The following ATP6V1G3 variants were observed in gnomAD, a reference collection of about 807,000 sequenced individuals.
ATP6V1G3 encodes the protein ATPase H+ transporting V1 subunit G3.
A neutral mutation model predicts 9.3 loss-of-function variants in ATP6V1G3; 9 were observed. The observed-to-expected ratio is 0.97, with a 90% CI of 0.59 to 1.69. The LOEUF is 1.69. ATP6V1G3 is among the 40% of genes most tolerant of loss of function. ATP6V1G3 has a pLI of 0.00. For synonymous variants in ATP6V1G3, 43 were observed against 43.8 expected, an observed-to-expected ratio of 0.98 and a Z score of 0.07; for missense variants, 133 against 139.0, an observed-to-expected ratio of 0.96 and a Z score of 0.22.
At chr1:198,523,684 A>AT (rs1659541474) in intron 2 of ATP6V1G3, 120 bp from the exon 3 acceptor site, 5 of 900,498 alleles carry the variant, frequency 5.6e-6, no homozygotes, top group Middle Eastern at 3.5e-4. Context: ...CCTTTTCTAG[A>AT]TTTTTTCAGA....
chr1:198,529,535 C>T, intron 1 of ATP6V1G3, among the ~76,000 whole-genome samples: 1 of 152,076 alleles, frequency 6.6e-6, no homozygotes, highest in East Asian at 1.9e-4. Context: ...CAGATTTTAG[C>T]TGTCACTTAC....
At chr1:198,537,106 A>G (rs1048913903) in intron 1 of ATP6V1G3, among the ~76,000 whole-genome samples, 8 of 152,108 alleles carry the variant, frequency 5.3e-5, no homozygotes, top group Non-Finnish European at 8.8e-5. Flanking sequence ...CATCTCTCTC[A>G]GTAGCTGGTG....
In ATP6V1G3 at chr1:198,529,195, A is replaced by AATATATATAT. The variant is rs139314248; in HGVS notation, c.83-24_83-15dup. The AATATATATAT allele has an allele frequency of 2.1e-5, 10 of 466,314 alleles. No individual in the cohort carries two copies. The highest frequency in any genetic ancestry group is 2.0e-4 in the African/African-American group (9 of 44,816). 28.9% of individuals were successfully genotyped at this position (466,314 alleles called of 1,614,324 possible). A position where few individuals can be genotyped will look rare whatever the true frequency, so the allele number is the denominator to read the frequency against. On this transcript the variant is annotated splice_polypyrimidine_tract_variant and intron_variant, in intron 1 of 2. Coordinates refer to ENST00000367382, the MANE Select transcript of ATP6V1G3 (RefSeq NM_001376861.1). The stretch of plus-strand genomic sequence containing the variant: ...GCTTTCCTTTTCCTGAAAATTAACA[A>AATATATATAT]ATATATATATATATATATATAATTA...
chr1:198,523,326 C>T lies in ATP6V1G3; in HGVS notation c.*65G>A, dbSNP rs192406637. On this transcript the variant is annotated 3_prime_UTR_variant, in exon 3 of 3. Coordinates refer to ENST00000367382, the MANE Select transcript of ATP6V1G3 (RefSeq NM_001376861.1). ...TTTCAAATTTCTCAACATAAAAATACGAAGCCATAAGCAACCAGGTGGCAC... is the reference window on the plus strand; with the variant it reads ...TTTCAAATTTCTCAACATAAAAATATGAAGCCATAAGCAACCAGGTGGCAC... 4,505 of 1,470,938 alleles carry T rather than the reference C, an allele frequency of 3.1e-3. 16 individuals carry two copies. Among genetic ancestry groups the T allele is most frequent in the Non-Finnish European group, 3.5e-3 (3,762 of 1,087,220 alleles). 91.1% of individuals were successfully genotyped at this position (1,470,938 alleles called of 1,614,324 possible). A position where few individuals can be genotyped will look rare whatever the true frequency, so the allele number is the denominator to read the frequency against.
intron 1 of ATP6V1G3, among the ~76,000 whole-genome samples, chr1:198,533,963 G>A (rs1343936781): frequency 6.6e-6 from 1 of 152,164 alleles, no homozygotes; most frequent in Non-Finnish European, 1.5e-5. Flanking sequence ...AGGAAGAAGT[G>A]TTCAATAGAA....
At chr1:198,536,545 C>T in intron 1 of ATP6V1G3, 3 of 637,654 alleles carry the variant, frequency 4.7e-6, no homozygotes, top group Non-Finnish European at 8.2e-6. Context: ...GTGCAAACTA[C>T]TGTGATTTCA....
chr1:198,540,455 A>G lies in ATP6V1G3; in HGVS notation c.82+114T>C. ...ATGAATGGGTGAAGGTCTCACAGGG[A>G]GTACAGTAAACCAAAGTTTGAAACA... On this transcript the variant is annotated intron_variant, in intron 1 of 2. Coordinates refer to ENST00000367382, the MANE Select transcript of ATP6V1G3 (RefSeq NM_001376861.1). The G allele has an allele frequency of 3.0e-6, 3 of 993,194 alleles. No individual in the cohort carries two copies. The South Asian group carries it at 4.0e-5, about 13-fold the overall frequency. The allele number at this position is 993,194 out of a possible 1,614,324, so 61.5% of individuals were successfully genotyped here. A position where few individuals can be genotyped will look rare whatever the true frequency, so the allele number is the denominator to read the frequency against.
intron 1 of ATP6V1G3, among the ~76,000 whole-genome samples, chr1:198,538,338 C>T (rs1660202603): frequency 6.6e-6 from 1 of 152,096 alleles, no homozygotes; most frequent in South Asian, 2.1e-4. Flanking sequence ...AGAAATTGGA[C>T]TTTTATCTTT....
intron 1 of ATP6V1G3, among the ~76,000 whole-genome samples, chr1:198,531,073 T>A (rs1160264682): frequency 2.0e-5 from 3 of 152,074 alleles, no homozygotes; most frequent in Admixed American, 2.0e-4. Context: ...ACTAAGAGGC[T>A]GTATATTAGC....
upstream of ATP6V1G3, chr1:198,540,844 T>G (rs1660317740): frequency 3.3e-6 from 2 of 610,534 alleles, no homozygotes; most frequent in East Asian, 5.5e-5. Flanking sequence ...GAAAAACAAG[T>G]TAAACCAATG....
intron 1 of ATP6V1G3, among the ~76,000 whole-genome samples, chr1:198,538,489 G>C (rs950315515): frequency 6.6e-6 from 1 of 152,104 alleles, no homozygotes; most frequent in African/African-American, 2.4e-5. Flanking sequence ...CAATAATATT[G>C]ATTAATCTAT....
chr1:198,529,658 C>T (rs1659817281), intron 1 of ATP6V1G3, among the ~76,000 whole-genome samples: 1 of 152,250 alleles, frequency 6.6e-6, no homozygotes. Flanking sequence ...TCACTACAAA[C>T]ATGCAACTCA....
chr1:198,524,366 G>A (rs993021175), intron 2 of ATP6V1G3, among the ~76,000 whole-genome samples: 1 of 151,786 alleles, frequency 6.6e-6, no homozygotes, highest in Admixed American at 6.6e-5. Context: ...CTGGTAATCC[G>A]CCTTCCTCAG....
chr1:198,534,095 A>G (rs1301147814), intron 1 of ATP6V1G3, among the ~76,000 whole-genome samples: 1 of 152,198 alleles, frequency 6.6e-6, no homozygotes, highest in Non-Finnish European at 1.5e-5. Flanking sequence ...TTTGACAGCT[A>G]GAGGATTTAA....
At chr1:198,529,712 G>A (rs545980467) in intron 1 of ATP6V1G3, among the ~76,000 whole-genome samples, 12 of 151,938 alleles carry the variant, frequency 7.9e-5, no homozygotes, top group African/African-American at 2.9e-4. Flanking sequence ...CGTTTTATTG[G>A]GATTTTTCCT....
chr1:198,524,415 G>A (rs1167889370), intron 2 of ATP6V1G3, among the ~76,000 whole-genome samples: 3 of 152,118 alleles, frequency 2.0e-5, no homozygotes, highest in Admixed American at 6.6e-5. Flanking sequence ...GAGTCACAGC[G>A]CCTGGCTGCC....
At chr1:198,528,423 A>G (rs959662038) in intron 2 of ATP6V1G3, among the ~76,000 whole-genome samples, 22 of 152,142 alleles carry the variant, frequency 1.4e-4, no homozygotes, top group African/African-American at 5.3e-4. Context: ...TAGTTATAAT[A>G]CATGGAGTTA....
rs1659795541 is a variant in ATP6V1G3, at chr1:198,529,270, T to C, written c.83-89A>G. On this transcript the variant is annotated intron_variant, in intron 1 of 2. Coordinates refer to ENST00000367382, the MANE Select transcript of ATP6V1G3 (RefSeq NM_001376861.1). Reference sequence around the variant, plus strand: ...TTATATATATCTCAACAAGGATATATATATTAACAACTGTACATATATGTT... The same window carrying C: ...TTATATATATCTCAACAAGGATATACATATTAACAACTGTACATATATGTT... 7 of 303,144 alleles carry C rather than the reference T, an allele frequency of 2.3e-5. No individual in the cohort carries two copies. The South Asian group carries it at 5.3e-4, about 23-fold the overall frequency. 18.8% of individuals were successfully genotyped at this position (303,144 alleles called of 1,614,324 possible). A position where few individuals can be genotyped will look rare whatever the true frequency, so the allele number is the denominator to read the frequency against.
chr1:198,540,943 A>G, upstream of ATP6V1G3: 1 of 379,184 alleles, frequency 2.6e-6, no homozygotes, highest in Non-Finnish European at 4.9e-6. Context: ...ATCTACTTAT[A>G]AATAATGAAT....
Sources: allele counts gnomAD v4.1 joint callset (sites outside exome capture counted in the v4.1 genomes callset), GRCh38; gene constraint gnomAD v4.1.1; transcripts MANE v1.5; gene names NCBI Gene and HGNC (gene_info 2026-07-23, HGNC 2026-07-21).